Variants in SUSD1 observed in about 807,000 individuals in gnomAD.
SUSD1 encodes sushi domain containing 1.
Under a neutral mutation model 86.9 loss-of-function variants are expected in SUSD1, and 65 were observed. The ratio of observed to expected loss-of-function variants is 0.75; its 90% CI spans 0.61 to 0.92. The LOEUF (loss-of-function observed/expected upper bound fraction) is 0.92, where lower values mean the gene tolerates loss of function less well. Ranked by LOEUF, SUSD1 falls within the 40% of genes least tolerant of loss-of-function variation. SUSD1 has a pLI of 0.00. For synonymous variants in SUSD1, 346 were observed against 350.0 expected (o/e 0.99, Z 0.13); for missense variants, 850 against 929.7 (o/e 0.91, Z 1.11).
chr9:112,063,592 A>C (rs1828829871), intron 12 of SUSD1, among the ~76,000 whole-genome samples: 1 of 152,154 alleles, frequency 6.6e-6, no homozygotes, highest in African/African-American at 2.4e-5. Context: ...ATCCTTTATA[A>C]TCACAGAGCT....
At chr9:112,046,649 T>C (rs1827967887) in intron 15 of SUSD1, among the ~76,000 whole-genome samples, 2 of 152,184 alleles carry the variant, frequency 1.3e-5, no homozygotes, top group South Asian at 2.1e-4. Context: ...TTCATGAATA[T>C]ACACGGGCAT....
intron 6 of SUSD1, among the ~76,000 whole-genome samples, chr9:112,119,320 T>C (rs1265039905): frequency 6.6e-6 from 1 of 152,206 alleles, no homozygotes; most frequent in African/African-American, 2.4e-5. Flanking sequence ...TGGCTATTTA[T>C]GTAAATGTAT....
chr9:112,079,024 G>A (rs1030161827), intron 11 of SUSD1, among the ~76,000 whole-genome samples: 1 of 151,758 alleles, frequency 6.6e-6, no homozygotes, highest in Non-Finnish European at 1.5e-5. Context: ...ATGTTGCCCA[G>A]GCTGGTCTCA....
chr9:112,079,009 T>G (rs1162784051), intron 11 of SUSD1, among the ~76,000 whole-genome samples: 1 of 151,924 alleles, frequency 6.6e-6, no homozygotes, highest in Non-Finnish European at 1.5e-5. Context: ...AGACAGGGTT[T>G]CGCCATGTTG....
intron 8 of SUSD1, among the ~76,000 whole-genome samples, chr9:112,106,771 CTT>C (rs1830860340): frequency 6.7e-6 from 1 of 148,970 alleles, no homozygotes; most frequent in South Asian, 2.2e-4. Flanking sequence ...GGAATGCTAA[CTT>C]ATCTCATTCA....
At chr9:112,079,979 G>T in intron 11 of SUSD1, 95 bp downstream of exon 11, 1 of 831,100 alleles carries the variant, frequency 1.2e-6, no homozygotes, top group South Asian at 1.4e-5. Context: ...TACTGATAAT[G>T]ATAGTTATAG....
Position 112,098,531 on chromosome 9 carries a change from C to G in SUSD1, c.1413G>C (p.Val471=). 6.2e-7 allele frequency: 1 copy of G among 1,614,180 alleles called. No homozygotes were observed. The highest frequency in any genetic ancestry group is 1.1e-5 in the South Asian group (1 of 91,082). Residue 471 remains valine (V), a synonymous_variant, in exon 10 of 17, where the codon GTG becomes GTC. Coordinates refer to ENST00000374270, the MANE Select transcript of SUSD1 (RefSeq NM_022486.5). ...GCCGCTTAGGAGATCTCAGCAGGGT[C>G]ACATTCACCGTATAATCAGTCGTAG... The part of the protein sequence containing the change: ...LYPTTDYTVN[V]TLLRSPKRHS...
chr9:112,067,359 A>G (rs955185243), intron 12 of SUSD1, among the ~76,000 whole-genome samples: 4 of 152,094 alleles, frequency 2.6e-5, no homozygotes, highest in Non-Finnish European at 4.4e-5. Flanking sequence ...GCTGTCTCCA[A>G]ACAAGATCCA....
chr9:112,127,011 C>G, intron 5 of SUSD1, among the ~76,000 whole-genome samples: 1 of 152,188 alleles, frequency 6.6e-6, no homozygotes, highest in East Asian at 1.9e-4. Flanking sequence ...CAAAGTTACA[C>G]AGGCAATTGT....
intron 13 of SUSD1, among the ~76,000 whole-genome samples, chr9:112,062,319 G>A (rs891011060): frequency 1.4e-4 from 21 of 152,246 alleles, no homozygotes; most frequent in African/African-American, 5.1e-4. Flanking sequence ...ACATGCAACC[G>A]ACGTTTACCC....
chr9:112,125,632 A>G (rs927147190), intron 5 of SUSD1, among the ~76,000 whole-genome samples: 4 of 152,216 alleles, frequency 2.6e-5, no homozygotes, highest in African/African-American at 7.2e-5. Context: ...TTTCTCCCCA[A>G]TCCGTAGAAA....
In SUSD1 at chr9:112,052,438, C is replaced by A. The variant is rs1245289839; in HGVS notation, c.2110G>T (p.Val704Leu). The change falls in exon 15 of 17, where the codon GTG becomes TTG. Residue 704 changes from valine to leucine, a missense_variant and splice_region_variant. Transcript: ENST00000374270. ...ILRITSEWNK[V>L]RRHSCAVWAQ... is the part of the protein sequence containing the mutation. ...CAAACTGCACAGGAGTGTCTTCTCA[C>A]CTATAAAGGAAAACATAGCAATGCA... The A allele has an allele frequency of 6.2e-7, 1 of 1,613,886 alleles. No individual in the cohort carries two copies. The highest frequency in any genetic ancestry group is 1.1e-5 in the South Asian group (1 of 91,090).
At chr9:112,127,780 A>C (rs368395343) in intron 5 of SUSD1, among the ~76,000 whole-genome samples, 33 of 152,308 alleles carry the variant, frequency 2.2e-4, no homozygotes, top group African/African-American at 7.7e-4. Flanking sequence ...AATTATTATT[A>C]AGTGATAGGA....
At chr9:112,161,062 A>T (rs561673454) in intron 1 of SUSD1, among the ~76,000 whole-genome samples, 1 of 152,296 alleles carries the variant, frequency 6.6e-6, no homozygotes, top group East Asian at 1.9e-4. Context: ...AAACCGTGTG[A>T]TCAGTACATT....
chr9:112,063,788 C>T (rs1299951216), intron 12 of SUSD1, among the ~76,000 whole-genome samples: 1 of 152,148 alleles, frequency 6.6e-6, no homozygotes, highest in Non-Finnish European at 1.5e-5. Flanking sequence ...TGGGCACTAA[C>T]CATTCACACT....
rs755026570 is a variant in SUSD1, at chr9:112,078,640, C to G, written c.1651G>C (p.Glu551Gln). Residue 551 changes from glutamate to glutamine, a missense_variant, in exon 12 of 17, where the codon GAG (glutamate) becomes CAG (glutamine). By Grantham distance (29) the Glu-to-Gln change is conservative. Transcript: ENST00000374270. ...FNISSSSRDP[E>Q]VCLDLRPGTN... Reference sequence around the variant, plus strand: ...CCCGGACGTAGGTCCAAGCACACCTCGGGATCTCGGCTGCTGCTACTGATA... The same window carrying G: ...CCCGGACGTAGGTCCAAGCACACCTGGGGATCTCGGCTGCTGCTACTGATA... 4 of 1,613,940 alleles carry G rather than the reference C, an allele frequency of 2.5e-6. No individual in the cohort carries two copies. In the Admixed American group the frequency reaches 5.0e-5, roughly 20 times the overall value.
chr9:112,107,269 A>AAAAAG (rs1564300403), intron 8 of SUSD1, among the ~76,000 whole-genome samples: 5 of 150,478 alleles, frequency 3.3e-5, no homozygotes, highest in African/African-American at 1.2e-4. Flanking sequence ...AAAAAAAAAA[A>AAAAAG]AAAAGAAAAG....
Position 112,150,986 on chromosome 9 carries a change from T to C in SUSD1, c.218-1587A>G, listed in dbSNP as rs975648158. 5.3e-5 allele frequency among the ~76,000 whole-genome samples: 8 copies of C among 152,166 alleles called. 1 individual carries two copies. The highest frequency in any genetic ancestry group is 3.2e-3 in the Middle Eastern group (1 of 316). On this transcript the variant is annotated intron_variant, in intron 2 of 16. Coordinates refer to ENST00000374270, the MANE Select transcript of SUSD1 (RefSeq NM_022486.5). ...GTCTCCCTCTGTCACCCAGGCTAAA[T>C]TGCACTGGCACGATCATAGCTCACT...
intron 5 of SUSD1, among the ~76,000 whole-genome samples, chr9:112,141,581 T>C (rs544983114): frequency 9.9e-5 from 15 of 151,252 alleles, no homozygotes; most frequent in African/African-American, 3.6e-4. Flanking sequence ...AGTGGATGAG[T>C]CATGAGAATC....
Sources: gnomAD v4.1 joint callset for allele counts (sites outside exome capture counted in the v4.1 genomes callset) on GRCh38, gnomAD v4.1.1 for gene constraint, MANE v1.5 for transcripts, NCBI Gene and HGNC (gene_info 2026-07-23, HGNC 2026-07-21) for gene names.